The following PDE4D variants were observed in gnomAD, a reference collection of about 807,000 sequenced individuals.
The protein encoded by PDE4D is phosphodiesterase 4D.
In PDE4D, 24 loss-of-function variants were observed where a neutral mutation model predicts 87.4. That is an observed-to-expected ratio of 0.27 (90% CI 0.20 to 0.39). PDE4D has a LOEUF of 0.39. PDE4D is among the 10% of genes least tolerant of loss of function. The probability of loss-of-function intolerance (pLI) is 1.00; values close to 1 mark genes in which losing one functional copy is unlikely to be tolerated. For missense variants in PDE4D, 714 were observed against 1,041.0 expected, an observed-to-expected ratio of 0.69 and a Z score of 4.32; for synonymous variants, 384 against 383.2, an observed-to-expected ratio of 1.00 and a Z score of -0.02.
At chr5:60,257,454 GTAT>G (rs996783388) in intron 1 of PDE4D, among the ~76,000 whole-genome samples, 1 of 151,910 alleles carries the variant, frequency 6.6e-6, no homozygotes, top group African/African-American at 2.4e-5. Context: ...GACAAAAAAA[GTAT>G]TAAAAATAAA....
At chr5:59,149,298 C>G (rs1381850625) in intron 5 of PDE4D, among the ~76,000 whole-genome samples, 1 of 152,190 alleles carries the variant, frequency 6.6e-6, no homozygotes. Flanking sequence ...GTAAGACTCT[C>G]TAAGCCTTCC....
intron 1 of PDE4D, among the ~76,000 whole-genome samples, chr5:59,244,467 T>A (rs1758346995): frequency 6.6e-6 from 1 of 150,960 alleles, no homozygotes. Context: ...TATATATACA[T>A]ATACATACAT....
rs541026291 is a variant in PDE4D, at chr5:60,239,501, A to G, written c.-89-53814T>C. Among the ~76,000 whole-genome samples the G allele has an allele frequency of 2.0e-5, 3 of 152,148 alleles. No individual in the cohort carries two copies. In the South Asian group the frequency reaches 6.2e-4, roughly 31 times the overall value. Reference sequence around the variant, plus strand: ...CAAAACCACTCTTGTGTGAGCTCTTATTAGAATTTATAAATGAATACAGAA... The same window carrying G: ...CAAAACCACTCTTGTGTGAGCTCTTGTTAGAATTTATAAATGAATACAGAA... On this transcript the variant is annotated intron_variant, in intron 1 of 16. Transcript: ENST00000502484.
chr5:59,340,009 T>G (rs1379650020), intron 1 of PDE4D, among the ~76,000 whole-genome samples: 1 of 152,124 alleles, frequency 6.6e-6, no homozygotes, highest in African/African-American at 2.4e-5. Flanking sequence ...AGGAATGTGT[T>G]CAGTCTTCTC....
chr5:59,044,502 C>A (rs1369775344), intron 5 of PDE4D, among the ~76,000 whole-genome samples: 1 of 152,196 alleles, frequency 6.6e-6, no homozygotes, highest in East Asian at 1.9e-4. Flanking sequence ...TTCTGTTTCA[C>A]CGTGTATTGC....
intron 2 of PDE4D, chr5:60,127,657 GA>G: frequency 1.7e-6 from 1 of 599,094 alleles, no homozygotes; most frequent in South Asian, 2.0e-5. Context: ...GGCCACAAGA[GA>G]AAAATCAGGT....
chr5:59,334,592 G>C (rs1457167791), intron 1 of PDE4D, among the ~76,000 whole-genome samples: 1 of 151,986 alleles, frequency 6.6e-6, no homozygotes, highest in Non-Finnish European at 1.5e-5. Context: ...TGTGTTTGTA[G>C]TGTAAGCATG....
chr5:60,274,018 G>A (rs890003975), intron 1 of PDE4D, among the ~76,000 whole-genome samples: 49 of 152,154 alleles, frequency 3.2e-4, no homozygotes, highest in African/African-American at 1.2e-3. Flanking sequence ...AGGGCATCAG[G>A]AGATGGTGAA....
At chr5:59,914,785 T>C (rs1378334536) in intron 3 of PDE4D, among the ~76,000 whole-genome samples, 1 of 150,008 alleles carries the variant, frequency 6.7e-6, no homozygotes, top group Non-Finnish European at 1.5e-5. Flanking sequence ...TTAAGAAAGA[T>C]AACTGGCTTG....
At chr5:59,453,662 T>C (rs773776653) in intron 1 of PDE4D, among the ~76,000 whole-genome samples, 5 of 152,080 alleles carry the variant, frequency 3.3e-5, no homozygotes, top group Admixed American at 6.5e-5. Context: ...TCTATAAAGA[T>C]TGATAGAGAT....
chr5:59,198,611 G>GC (rs1746018351), intron 2 of PDE4D, among the ~76,000 whole-genome samples: 1 of 152,198 alleles, frequency 6.6e-6, no homozygotes, highest in African/African-American at 2.4e-5. Flanking sequence ...AGAAAGACTT[G>GC]CTGAGTCCTG....
At chr5:59,039,203 C>G in intron 5 of PDE4D, 1 of 1,300,812 alleles carries the variant, frequency 7.7e-7, no homozygotes, top group Non-Finnish European at 9.8e-7. Flanking sequence ...CGTCTCGGGT[C>G]GGCCTCCAGG....
At position 59,259,892 on chromosome 5, in the gene PDE4D, G is replaced by A. The variant is rs777823382; in HGVS notation, c.456-43924C>T. ...CAAATAATAATTTCTTCTCTCCGTC[G>A]GTCTGAATGAATTTATTCAGGATGT... is the stretch of plus-strand genomic sequence containing the variant. On this transcript the variant is annotated intron_variant, in intron 1 of 14. Coordinates refer to ENST00000340635, the MANE Select transcript of PDE4D (RefSeq NM_001104631.2). Among the ~76,000 whole-genome samples the A allele has an allele frequency of 2.6e-5, 4 of 151,580 alleles. No homozygotes were observed. The East Asian group carries it at 7.8e-4, about 29-fold the overall frequency.
At chr5:59,984,829 T>A (rs924187226) in intron 3 of PDE4D, among the ~76,000 whole-genome samples, 1 of 152,090 alleles carries the variant, frequency 6.6e-6, no homozygotes, top group African/African-American at 2.4e-5. Context: ...CATACTGATA[T>A]GCCAGAAGAA....
intron 1 of PDE4D, among the ~76,000 whole-genome samples, chr5:59,883,396 A>G (rs1167052498): frequency 1.3e-5 from 2 of 152,176 alleles, no homozygotes; most frequent in Non-Finnish European, 2.9e-5. Context: ...GCTTCTTTTA[A>G]TGGTGCACAC....
upstream of PDE4D, among the ~76,000 whole-genome samples, chr5:59,897,035 T>C (rs1275378640): frequency 6.6e-6 from 1 of 152,196 alleles, no homozygotes; most frequent in African/African-American, 2.4e-5. Flanking sequence ...CTGAGAGAGA[T>C]TTTTGTGAAG....
chr5:60,355,293 T>C (rs1016602957), intron 1 of PDE4D, among the ~76,000 whole-genome samples: 2 of 152,218 alleles, frequency 1.3e-5, no homozygotes, highest in African/African-American at 4.8e-5. Flanking sequence ...TGTTGCACAT[T>C]AGACTAGTAC....
chr5:59,931,144 G>A lies in PDE4D; in HGVS notation c.272+57344C>T, dbSNP rs151236885. 4.6e-4 allele frequency among the ~76,000 whole-genome samples: 70 copies of A among 152,302 alleles called. 1 individual carries two copies. The East Asian group carries it at 7.9e-3, about 17-fold the overall frequency. ...TAATCAAAGCAATACTTTTCAAGAA[G>A]AGAGAACTGTACAAACTATTTATCT... On this transcript the variant is annotated intron_variant, in intron 3 of 16. Coordinates refer to the PDE4D transcript ENST00000502484.
At chr5:59,142,160 T>C (rs1384140084) in intron 5 of PDE4D, among the ~76,000 whole-genome samples, 1 of 152,188 alleles carries the variant, frequency 6.6e-6, no homozygotes, top group Non-Finnish European at 1.5e-5. Context: ...TAGCAGGCAA[T>C]AGAGCCCCTA....
Sources: allele counts gnomAD v4.1 joint callset (sites outside exome capture counted in the v4.1 genomes callset), GRCh38; gene constraint gnomAD v4.1.1; transcripts MANE v1.5; gene names NCBI Gene and HGNC (gene_info 2026-07-23, HGNC 2026-07-21).